CTTNBP2NL: variants seen among roughly 807,000 people sequenced by gnomAD.
The protein encoded by CTTNBP2NL is CTTNBP2 N-terminal like.
CTTNBP2NL carries 16 observed loss-of-function variants against 32.5 expected under a neutral mutation model. The observed-to-expected ratio is 0.49, with a 90% CI of 0.33 to 0.75. The LOEUF (loss-of-function observed/expected upper bound fraction) is 0.75. Ranked by LOEUF, CTTNBP2NL falls within the 30% of genes least tolerant of loss-of-function variation. The pLI is 0.02. For synonymous variants in CTTNBP2NL, 298 were observed against 289.4 expected (o/e 1.03, Z -0.30); for missense variants, 645 against 756.0 (o/e 0.85, Z 1.72).
In CTTNBP2NL at chr1:112,457,238, C is replaced by A; in HGVS notation, c.1746C>A (p.Ile582=). The A allele has an allele frequency of 6.2e-7, 1 of 1,614,164 alleles. No homozygotes were observed. The highest frequency in any genetic ancestry group is 1.3e-5 in the African/African-American group (1 of 75,058). The change falls in exon 6 of 6, where the codon ATC becomes ATA. Residue 582 remains isoleucine, a synonymous_variant. Coordinates refer to ENST00000271277, the MANE Select transcript of CTTNBP2NL (RefSeq NM_018704.3). ...PRAERGNPPP[I]PPKKPGLTPS... Reference sequence around the variant, plus strand: ...CTGAGAGAGGAAACCCTCCACCCATCCCACCCAAGAAACCTGGCCTCACCC... The same window carrying A: ...CTGAGAGAGGAAACCCTCCACCCATACCACCCAAGAAACCTGGCCTCACCC...
chr1:112,447,359 A>T (rs912294737), intron 3 of CTTNBP2NL, among the ~76,000 whole-genome samples: 2 of 151,658 alleles, frequency 1.3e-5, no homozygotes, highest in South Asian at 4.2e-4. Flanking sequence ...ACACACACAC[A>T]CACAACACAC....
intron 3 of CTTNBP2NL, among the ~76,000 whole-genome samples, chr1:112,427,842 G>A (rs1400457715): frequency 6.7e-6 from 1 of 150,276 alleles, no homozygotes; most frequent in Non-Finnish European, 1.5e-5. Context: ...GTTGCAGTGA[G>A]CCGAGATCGC....
chr1:112,459,473 T>C lies in CTTNBP2NL; in HGVS notation c.*2061T>C, dbSNP rs1349498694. 2.0e-5 allele frequency: 3 copies of C among 148,914 alleles called. No individual in the cohort carries two copies. The highest frequency in any genetic ancestry group is 4.8e-5 in the African/African-American group (2 of 41,334). The allele number at this position is 148,914 out of a possible 1,614,324, so 9.2% of individuals were successfully genotyped here. On this transcript the variant is annotated 3_prime_UTR_variant, in exon 6 of 6. Transcript: ENST00000271277. ...TTCCTTTTAATCTAATAAGAGTTGA[T>C]AGTAAAAAGGCAGGTGATGGAAATC...
At chr1:112,409,127 C>CAAAA (rs36002206) in intron 1 of CTTNBP2NL, among the ~76,000 whole-genome samples, 1,448 of 79,846 alleles carry the variant, frequency 0.018, 26 homozygotes, top group Non-Finnish European at 0.027. Flanking sequence ...GACTCTGTCT[C>CAAAA]AAAAAAAAAA....
At position 112,460,804 on chromosome 1, in the gene CTTNBP2NL, T is replaced by C. The variant is rs367607555; in HGVS notation, c.*3392T>C. ...TTTACATATCTGAAGTTTTCAGCATTTAAGCAAATTAATGATCATTTCAAC... is the reference window on the plus strand; with the variant it reads ...TTTACATATCTGAAGTTTTCAGCATCTAAGCAAATTAATGATCATTTCAAC... On this transcript the variant is annotated 3_prime_UTR_variant, in exon 6 of 6. Transcript: ENST00000271277. 2.6e-5 allele frequency: 4 copies of C among 152,208 alleles called. No individual in the cohort carries two copies. Among genetic ancestry groups the C allele is most frequent in the African/African-American group, 9.6e-5 (4 of 41,456 alleles). 9.4% of individuals were successfully genotyped at this position (152,208 alleles called of 1,614,324 possible). A position where few individuals can be genotyped will look rare whatever the true frequency, so the allele number is the denominator to read the frequency against.
At chr1:112,395,233 A>G (rs1648285684), upstream of CTTNBP2NL, among the ~76,000 whole-genome samples, 1 of 152,238 alleles carries the variant, frequency 6.6e-6, no homozygotes, top group African/African-American at 2.4e-5. Flanking sequence ...TTGTATTTTA[A>G]ATAATGTGGT....
At chr1:112,428,607 T>C (rs1649469765) in intron 3 of CTTNBP2NL, among the ~76,000 whole-genome samples, 1 of 152,162 alleles carries the variant, frequency 6.6e-6, no homozygotes, top group Non-Finnish European at 1.5e-5. Context: ...TAAAGAGTTG[T>C]CTTTTAAACA....
chr1:112,432,364 A>G (rs752039541), intron 3 of CTTNBP2NL, among the ~76,000 whole-genome samples: 24 of 152,210 alleles, frequency 1.6e-4, no homozygotes, highest in African/African-American at 3.6e-4. Flanking sequence ...CCGGGCCTAT[A>G]GTTTGAATTT....
At chr1:112,405,742 AAG>A (rs1648643290) in intron 1 of CTTNBP2NL, among the ~76,000 whole-genome samples, 1 of 152,242 alleles carries the variant, frequency 6.6e-6, no homozygotes, top group Non-Finnish European at 1.5e-5. Context: ...GAGACAGAGA[AAG>A]AGATGTGTAC....
At position 112,411,726 on chromosome 1, in the gene CTTNBP2NL, A is replaced by C. The variant is rs372719048; in HGVS notation, c.-133-468A>C. ...GAGATGGAGTCTTGCTCTGTCGCCC[A>C]GGCTGGAGTGCAGTGGCACAATCTC... is the stretch of plus-strand genomic sequence containing the variant. On this transcript the variant is annotated intron_variant, in intron 1 of 5. Coordinates refer to ENST00000271277, the MANE Select transcript of CTTNBP2NL (RefSeq NM_018704.3). 3.3e-5 allele frequency among the ~76,000 whole-genome samples: 5 copies of C among 150,192 alleles called. No individual in the cohort carries two copies. The South Asian group carries it at 6.3e-4, about 19-fold the overall frequency.
intron 4 of CTTNBP2NL, among the ~76,000 whole-genome samples, chr1:112,449,381 G>GTTTTTTTTTTTTTTTT (rs1450776412): frequency 6.7e-6 from 1 of 148,438 alleles, no homozygotes; most frequent in Non-Finnish European, 1.5e-5. Flanking sequence ...TGCCAGACAC[G>GTTTTTTTTTTTTTTTT]TTATTTAAGA....
chr1:112,419,746 A>G (rs574075128), intron 3 of CTTNBP2NL, among the ~76,000 whole-genome samples: 1 of 152,330 alleles, frequency 6.6e-6, no homozygotes, highest in South Asian at 2.1e-4. Flanking sequence ...TTTTAAAAAA[A>G]TCAGATATTA....
intron 3 of CTTNBP2NL, among the ~76,000 whole-genome samples, chr1:112,440,497 A>C (rs1649863666): frequency 6.6e-6 from 1 of 152,188 alleles, no homozygotes; most frequent in Non-Finnish European, 1.5e-5. Flanking sequence ...TAGACTTTGC[A>C]TTGTGACCCA....
chr1:112,453,938 TA>T (rs1650295699), intron 4 of CTTNBP2NL, among the ~76,000 whole-genome samples: 1 of 152,126 alleles, frequency 6.6e-6, no homozygotes, highest in Non-Finnish European at 1.5e-5. Flanking sequence ...CTTATCTAAC[TA>T]TATAAAAATG....
intron 1 of CTTNBP2NL, among the ~76,000 whole-genome samples, chr1:112,399,978 A>G (rs1468012805): frequency 6.6e-6 from 1 of 152,140 alleles, no homozygotes; most frequent in African/African-American, 2.4e-5. Context: ...CTGAGGCAGG[A>G]GAATGGCTTA....
intron 3 of CTTNBP2NL, among the ~76,000 whole-genome samples, chr1:112,446,841 C>T (rs910226585): frequency 2.6e-5 from 4 of 152,132 alleles, no homozygotes; most frequent in African/African-American, 4.8e-5. Context: ...TGAGATGCTG[C>T]GGCCGGCTAT....
chr1:112,448,933 C>A lies in CTTNBP2NL; in HGVS notation c.100-9C>A. On this transcript the variant is annotated splice_polypyrimidine_tract_variant and intron_variant, in intron 3 of 5. Coordinates refer to ENST00000271277, the MANE Select transcript of CTTNBP2NL (RefSeq NM_018704.3). ...AAGCAAGATGCTTATTTTTTTTCCT[C>A]TTTCCCAGGCCCAACACAGAGATAC... 1.3e-6 allele frequency: 2 copies of A among 1,546,272 alleles called. No homozygotes were observed. The highest frequency in any genetic ancestry group is 1.8e-6 in the Non-Finnish European group (2 of 1,125,358).
chr1:112,403,397 T>G (rs1260456923), intron 1 of CTTNBP2NL, among the ~76,000 whole-genome samples: 1 of 110,504 alleles, frequency 9.0e-6, no homozygotes, highest in African/African-American at 5.8e-5. Flanking sequence ...ACCAGCATTT[T>G]TTCAGTATCT....
At chr1:112,403,596 A>C (rs1218329896) in intron 1 of CTTNBP2NL, among the ~76,000 whole-genome samples, 1 of 152,250 alleles carries the variant, frequency 6.6e-6, no homozygotes, top group Admixed American at 6.5e-5. Flanking sequence ...TAATGTAAAA[A>C]AATAGCTGTG....
Sources: allele counts gnomAD v4.1 joint callset (sites outside exome capture counted in the v4.1 genomes callset), GRCh38; gene constraint gnomAD v4.1.1; transcripts MANE v1.5; gene names NCBI Gene and HGNC (gene_info 2026-07-23, HGNC 2026-07-21).